Variants in PCDHA3 observed in about 807,000 individuals in gnomAD.
The protein encoded by PCDHA3 is protocadherin alpha 3.
A neutral mutation model predicts 62.2 loss-of-function variants in PCDHA3; 41 were observed. The observed-to-expected ratio is 0.66, with a 90% CI of 0.51 to 0.86. The LOEUF is 0.86. Among genes scored for constraint, PCDHA3 ranks in the 40% least tolerant of loss-of-function variants. The pLI is 0.00. For synonymous variants in PCDHA3, 640 were observed against 555.4 expected (o/e 1.15, Z -2.14); for missense variants, 1,304 against 1,241.2 (o/e 1.05, Z -0.76).
In PCDHA3 at chr5:140,927,810, GGAGGCATACATT is replaced by G. The variant is rs782126534; in HGVS notation, c.2395-51133_2395-51122del. Reference sequence around the variant, plus strand: ...CACTAGGTCCGCCTGAAACGCTCTTGGAGGCATACATTGAGGCGAGGGACGAAGGTGTCTTTG... The same window carrying G: ...CACTAGGTCCGCCTGAAACGCTCTTGGAGGCGAGGGACGAAGGTGTCTTTG... On this transcript the variant is annotated intron_variant, in intron 1 of 3. Transcript: ENST00000522353. 3.7e-6 allele frequency: 6 copies of G among 1,614,082 alleles called. No individual in the cohort carries two copies. The South Asian group carries it at 6.6e-5, about 18-fold the overall frequency.
At position 140,802,841 on chromosome 5, in the gene PCDHA3, C is replaced by G; in HGVS notation, c.1644C>G (p.Asn548Lys). The G allele has an allele frequency of 1.9e-6, 3 of 1,613,538 alleles. No individual in the cohort carries two copies. Among genetic ancestry groups the G allele is most frequent in the Non-Finnish European group, 2.5e-6 (3 of 1,179,872 alleles). The change falls in exon 1 of 4, where the codon AAC becomes AAG. Residue 548 changes from asparagine to lysine, a missense_variant. Coordinates refer to ENST00000522353, the MANE Select transcript of PCDHA3 (RefSeq NM_018906.3). Reference sequence around the variant, plus strand: ...CGGGCGTGCCGCCTCTGGGCAGCAACGTGACGCTGCAGGTGTTCGTGCTGG... The same window carrying G: ...CGGGCGTGCCGCCTCTGGGCAGCAAGGTGACGCTGCAGGTGTTCGTGCTGG... Reference protein sequence around the residue: ...RDAGVPPLGSNVTLQVFVLDE... With the variant: ...RDAGVPPLGSKVTLQVFVLDE...
intron 1 of PCDHA3, chr5:140,830,456 C>G: frequency 1.3e-6 from 2 of 1,594,032 alleles, no homozygotes; most frequent in Non-Finnish European, 1.7e-6. Flanking sequence ...GGCGGAGAAT[C>G]AGGATTTAAA....
chr5:140,871,134 C>T, intron 1 of PCDHA3: 1 of 1,613,414 alleles, frequency 6.2e-7, no homozygotes, highest in Non-Finnish European at 8.5e-7. Flanking sequence ...CGCCAAAGGC[C>T]TCTTCCCGGA....
At chr5:140,947,304 T>A (rs1370804451) in intron 1 of PCDHA3, among the ~76,000 whole-genome samples, 1 of 151,606 alleles carries the variant, frequency 6.6e-6, no homozygotes, top group Admixed American at 6.6e-5. Flanking sequence ...CTTGACATCT[T>A]TGTAAAAAGT....
At chr5:140,806,671 C>A (rs1181481353) in intron 1 of PCDHA3, among the ~76,000 whole-genome samples, 1 of 152,090 alleles carries the variant, frequency 6.6e-6, no homozygotes, top group Non-Finnish European at 1.5e-5. Context: ...AAAAAAAAAC[C>A]CTGGAATTCT....
intron 1 of PCDHA3, chr5:140,862,278 C>G (rs1367349322): frequency 7.9e-6 from 2 of 252,960 alleles, no homozygotes; most frequent in Middle Eastern, 1.4e-3. Context: ...CTATCATTCC[C>G]TGTACAGGAG....
At chr5:140,961,887 G>GTTT (rs35680913) in intron 1 of PCDHA3, among the ~76,000 whole-genome samples, 3 of 143,936 alleles carry the variant, frequency 2.1e-5, no homozygotes, top group Non-Finnish European at 3.1e-5. Context: ...ACTTACATCA[G>GTTT]TTTTTTTTTT....
Position 140,801,960 on chromosome 5 carries a change from G to A in PCDHA3, c.763G>A (p.Ala255Thr). Residue 255 changes from alanine (A) to threonine (T), a missense_variant, in exon 1 of 4, where the codon GCA (alanine) becomes ACA (threonine). By Grantham distance (58) the Ala-to-Thr change is moderately conservative. Transcript: ENST00000522353. ...TIYKVRLLEN[A>T]PNGTLVVTVN... Reference sequence around the variant, plus strand: ...CTATAAAGTCAGATTACTCGAAAATGCACCAAATGGTACCCTAGTGGTGAC... The same window carrying A: ...CTATAAAGTCAGATTACTCGAAAATACACCAAATGGTACCCTAGTGGTGAC... 2 of 1,614,196 alleles carry A rather than the reference G, an allele frequency of 1.2e-6. No homozygotes were observed. The highest frequency in any genetic ancestry group is 1.7e-6 in the Non-Finnish European group (2 of 1,180,040).
intron 1 of PCDHA3, among the ~76,000 whole-genome samples, chr5:140,960,278 T>A (rs2095536864): frequency 6.6e-6 from 1 of 152,192 alleles, no homozygotes. Context: ...CGTCACCTTT[T>A]TGGGACCCAG....
rs112291126 is a variant in PCDHA3 at position 140,807,661 on chromosome 5, G to A, written c.2394+4070G>A. 2.1e-3 allele frequency: 3,418 copies of A among 1,614,194 alleles called. 54 individuals carry two copies. The African/African-American group carries it at 0.039, about 19-fold the overall frequency. On this transcript the variant is annotated intron_variant, in intron 1 of 3. Transcript: ENST00000522353. ...CTCGGTTTCCACTAGAGGGCGCCTCGGATGCAGATATCGGGGAGAACGCCC... is the reference window on the plus strand; with the variant it reads ...CTCGGTTTCCACTAGAGGGCGCCTCAGATGCAGATATCGGGGAGAACGCCC...
chr5:140,843,170 A>G, intron 1 of PCDHA3: 1 of 1,596,072 alleles, frequency 6.3e-7, no homozygotes, highest in Non-Finnish European at 8.6e-7. Flanking sequence ...AGCTGCAAGC[A>G]GCCCTCGCAT....
chr5:140,861,339 C>A lies in PCDHA3; in HGVS notation c.2394+57748C>A. ...TTCCACTACACCATCCTGGAAGAGG[C>A]CAAGGACGGCACATAGCGTCTTCGC... On this transcript the variant is annotated intron_variant, in intron 1 of 3. Transcript: ENST00000522353. 4 of 274,788 alleles carry A rather than the reference C, an allele frequency of 1.5e-5. No homozygotes were observed. The South Asian group carries it at 1.7e-4, about 12-fold the overall frequency. The allele number at this position is 274,788 out of a possible 1,614,324, so 17.0% of individuals were successfully genotyped here.
Position 140,848,412 on chromosome 5 carries a change from A to G in PCDHA3, c.2394+44821A>G. ...CTCTGTGCTGAACGATGGCGAACAC[A>G]GCAGAATGGGACTGACGAAATCAGA... On this transcript the variant is annotated intron_variant, in intron 1 of 3. Coordinates refer to ENST00000522353, the MANE Select transcript of PCDHA3 (RefSeq NM_018906.3). 2 of 1,379,818 alleles carry G rather than the reference A, an allele frequency of 1.4e-6. 1 individual carries two copies. Among genetic ancestry groups the G allele is most frequent in the Non-Finnish European group, 2.0e-6 (2 of 1,001,964 alleles). 85.5% of individuals were successfully genotyped at this position (1,379,818 alleles called of 1,614,324 possible).
chr5:140,822,398 G>A (rs2150116065), intron 1 of PCDHA3: 2 of 1,614,062 alleles, frequency 1.2e-6, no homozygotes, highest in East Asian at 2.2e-5. Context: ...CAAGAACACC[G>A]TTTATTAGTG....
At position 140,809,410 on chromosome 5, in the gene PCDHA3, C is replaced by T. The variant is rs782200079; in HGVS notation, c.2394+5819C>T. 3 of 1,614,104 alleles carry T rather than the reference C, an allele frequency of 1.9e-6. No individual in the cohort carries two copies. In the South Asian group the frequency reaches 3.3e-5, roughly 18 times the overall value. On this transcript the variant is annotated intron_variant, in intron 1 of 3. Coordinates refer to ENST00000522353, the MANE Select transcript of PCDHA3 (RefSeq NM_018906.3). ...CTCCGGGCAAGCCCACGCTGGTGTG[C>T]TCCAGTGCGGTGGGGAGCTGGTCAT...
intron 1 of PCDHA3, chr5:140,821,660 G>A (rs1183568019): frequency 8.4e-7 from 1 of 1,191,180 alleles, no homozygotes; most frequent in Non-Finnish European, 1.2e-6. Context: ...TTTTGGCTGT[G>A]CCAAGAAGCT....
At chr5:140,889,240 T>C (rs782266675) in intron 1 of PCDHA3, among the ~76,000 whole-genome samples, 4 of 151,692 alleles carry the variant, frequency 2.6e-5, no homozygotes, top group Non-Finnish European at 4.4e-5. Context: ...TTCCAGAAAA[T>C]TTTCTGTTTC....
chr5:140,808,362 A>G, intron 1 of PCDHA3: 1 of 1,614,180 alleles, frequency 6.2e-7, no homozygotes, highest in Non-Finnish European at 8.5e-7. Context: ...TTGACGTCCC[A>G]CGTCCCCTTC....
At chr5:140,991,782 C>A (rs1257930918) in intron 3 of PCDHA3, among the ~76,000 whole-genome samples, 1 of 152,158 alleles carries the variant, frequency 6.6e-6, no homozygotes, top group Non-Finnish European at 1.5e-5. Flanking sequence ...AGACTCTGCC[C>A]ATTTCCCAAT....
Sources: allele counts gnomAD v4.1 joint callset (sites outside exome capture counted in the v4.1 genomes callset), GRCh38; gene constraint gnomAD v4.1.1; transcripts MANE v1.5; gene names NCBI Gene and HGNC (gene_info 2026-07-23, HGNC 2026-07-21).